P4HA1: variants seen among roughly 807,000 people sequenced by gnomAD.
The protein encoded by P4HA1 is prolyl 4-hydroxylase subunit alpha-1.
P4HA1 carries 24 observed loss-of-function variants against 72.8 expected under a neutral mutation model. That is an observed-to-expected ratio of 0.33 (90% CI 0.24 to 0.46). The LOEUF (loss-of-function observed/expected upper bound fraction) is 0.46, where lower values mean the gene tolerates loss of function less well. Among genes scored for constraint, P4HA1 ranks in the 20% least tolerant of loss-of-function variants. The pLI is 1.00. For synonymous variants in P4HA1, 201 were observed against 218.8 expected, an observed-to-expected ratio of 0.92 and a Z score of 0.72; for missense variants, 446 against 640.6, an observed-to-expected ratio of 0.70 and a Z score of 3.28.
intron 11 of P4HA1, among the ~76,000 whole-genome samples, chr10:73,015,668 T>C (rs547519819): frequency 1.4e-4 from 22 of 152,348 alleles, no homozygotes; most frequent in Non-Finnish European, 2.2e-4. Context: ...GCCTACACTG[T>C]GGCAGATCCT....
At chr10:73,047,709 A>T (rs906455619) in intron 7 of P4HA1, among the ~76,000 whole-genome samples, 3 of 152,140 alleles carry the variant, frequency 2.0e-5, no homozygotes, top group African/African-American at 7.2e-5. Context: ...TCAATCATCT[A>T]TGTATTATAT....
chr10:73,035,809 C>A lies in P4HA1; in HGVS notation c.1149-5439G>T, dbSNP rs576523892. On this transcript the variant is annotated intron_variant, in intron 9 of 14. Coordinates refer to ENST00000394890, the MANE Select transcript of P4HA1 (RefSeq NM_001017962.3). Reference sequence around the variant, plus strand: ...CATAAAACCCTTGCCAGTTTCAATCCTTTTATTCTTTGTCAATCTTAGCAA... The same window carrying A: ...CATAAAACCCTTGCCAGTTTCAATCATTTTATTCTTTGTCAATCTTAGCAA... 1.2e-3 allele frequency among the ~76,000 whole-genome samples: 180 copies of A among 152,212 alleles called. 5 individuals carry two copies. In the South Asian group the frequency reaches 0.036, roughly 30 times the overall value.
At chr10:73,092,459 C>T (rs1472633017) in intron 1 of P4HA1, among the ~76,000 whole-genome samples, 1 of 150,056 alleles carries the variant, frequency 6.7e-6, no homozygotes, top group Non-Finnish European at 1.5e-5. Flanking sequence ...AAGCGACCCT[C>T]CCACCTCAGC....
At chr10:73,024,817 A>C (rs925045589) in intron 10 of P4HA1, among the ~76,000 whole-genome samples, 1 of 152,224 alleles carries the variant, frequency 6.6e-6, no homozygotes, top group South Asian at 2.1e-4. Flanking sequence ...ATATCACCAC[A>C]GATCCCACAG....
intron 14 of P4HA1, among the ~76,000 whole-genome samples, chr10:73,009,358 C>T (rs1295194919): frequency 6.6e-6 from 1 of 152,164 alleles, no homozygotes; most frequent in Admixed American, 6.5e-5. Context: ...GCTACTCGAG[C>T]CTCACATTAG....
At position 73,050,699 on chromosome 10, in the gene P4HA1, C is replaced by CAAA. The variant is rs11389497; in HGVS notation, c.900+351_900+353dup. ...TGGGTGGCAGGGTGAGACTCCATCT[C>CAAA]AAAAAAAAAAAAAAAAGTTTTTTAG... On this transcript the variant is annotated intron_variant, in intron 7 of 14. Transcript: ENST00000394890. Among the ~76,000 whole-genome samples, 240 of 106,324 alleles carry CAAA rather than the reference C, an allele frequency of 2.3e-3. 2 individuals carry two copies. Among genetic ancestry groups the CAAA allele is most frequent in the Non-Finnish European group, 1.9e-3 (90 of 48,516 alleles). The allele number at this position is 106,324 out of a possible 152,430, so 69.8% of individuals were successfully genotyped here.
At chr10:73,066,571 G>T (rs1841428263) in intron 5 of P4HA1, among the ~76,000 whole-genome samples, 1 of 152,100 alleles carries the variant, frequency 6.6e-6, no homozygotes, top group South Asian at 2.1e-4. Context: ...AGGTTGGAGT[G>T]TAGTGGCGTG....
At chr10:73,054,100 G>A (rs1234891038) in intron 5 of P4HA1, among the ~76,000 whole-genome samples, 1 of 152,022 alleles carries the variant, frequency 6.6e-6, no homozygotes, top group Non-Finnish European at 1.5e-5. Context: ...ATTTTTAGTA[G>A]AGATGGAGTT....
At position 73,011,048 on chromosome 10, in the gene P4HA1, CAA is replaced by C. The variant is rs2133029016; in HGVS notation, c.1369-13_1369-12del. The C allele has an allele frequency of 3.7e-6, 6 of 1,606,936 alleles. No homozygotes were observed. The East Asian group carries it at 1.3e-4, about 36-fold the overall frequency. On this transcript the variant is annotated splice_polypyrimidine_tract_variant and intron_variant, in intron 12 of 14. Transcript: ENST00000394890. Reference sequence around the variant, plus strand: ...AGACACATCACTCATCTATAAGAAACAAGAGGGTGTTATCAAAAGTGCTGGTA... The same window carrying C: ...AGACACATCACTCATCTATAAGAAACGAGGGTGTTATCAAAAGTGCTGGTA...
chr10:73,032,760 C>T (rs934734818), intron 9 of P4HA1, among the ~76,000 whole-genome samples: 1 of 152,124 alleles, frequency 6.6e-6, no homozygotes, highest in African/African-American at 2.4e-5. Flanking sequence ...CACAGACAGA[C>T]AAAGGAAGCG....
intron 8 of P4HA1, 112 bp downstream of exon 8, chr10:73,046,813 T>A (rs777602184): frequency 3.9e-5 from 32 of 814,272 alleles, no homozygotes; most frequent in Non-Finnish European, 5.8e-5. Flanking sequence ...AGGCAAAATA[T>A]CTTTAAAAAA....
chr10:73,031,142 T>C (rs1840423609), intron 9 of P4HA1, among the ~76,000 whole-genome samples: 1 of 152,096 alleles, frequency 6.6e-6, no homozygotes, highest in South Asian at 2.1e-4. Context: ...AATGGATACA[T>C]AAAACGTGAT....
In P4HA1 at chr10:73,030,235, G is replaced by A. The variant is rs745531430; in HGVS notation, c.1248+36C>T. 6 of 1,061,748 alleles carry A rather than the reference G, an allele frequency of 5.7e-6. No individual in the cohort carries two copies. The Admixed American group carries it at 8.1e-5, about 14-fold the overall frequency. The allele number at this position is 1,061,748 out of a possible 1,614,324, so 65.8% of individuals were successfully genotyped here. On this transcript the variant is annotated intron_variant, in intron 10 of 14. Transcript: ENST00000394890. ...AATCTCCTCTCAAGCATCTCCTGAAGTGTAAAAATGACTTAAGGATAATGT... is the reference window on the plus strand; with the variant it reads ...AATCTCCTCTCAAGCATCTCCTGAAATGTAAAAATGACTTAAGGATAATGT...
chr10:73,040,770 C>T (rs1295456130), intron 9 of P4HA1, among the ~76,000 whole-genome samples: 1 of 152,058 alleles, frequency 6.6e-6, no homozygotes, highest in African/African-American at 2.4e-5. Context: ...CCACTCCTGG[C>T]CGTAATTTTG....
chr10:73,039,028 C>G (rs1218989288), intron 9 of P4HA1, among the ~76,000 whole-genome samples: 3 of 152,096 alleles, frequency 2.0e-5, no homozygotes, highest in Non-Finnish European at 4.4e-5. Context: ...TGCAATGGCT[C>G]GCGCCTGTAA....
chr10:73,010,394 T>C (rs1337558181), intron 13 of P4HA1, among the ~76,000 whole-genome samples: 1 of 152,060 alleles, frequency 6.6e-6, no homozygotes, highest in Non-Finnish European at 1.5e-5. Flanking sequence ...ATATGAAAAA[T>C]ACCATAAAAA....
intron 3 of P4HA1, among the ~76,000 whole-genome samples, 185 bp downstream of exon 3, chr10:73,073,546 A>T (rs940824048): frequency 6.6e-6 from 1 of 151,986 alleles, no homozygotes. Context: ...TCTTATCCCA[A>T]CCCATATTCT....
At chr10:73,086,803 C>T (rs1841931859) in intron 1 of P4HA1, among the ~76,000 whole-genome samples, 1 of 151,734 alleles carries the variant, frequency 6.6e-6, no homozygotes, top group African/African-American at 2.4e-5. Flanking sequence ...CGTGGTGGCA[C>T]ATGCCTGTAA....
chr10:73,095,948 C>T (rs1196171799), intron 1 of P4HA1, among the ~76,000 whole-genome samples: 1 of 152,212 alleles, frequency 6.6e-6, no homozygotes, highest in African/African-American at 2.4e-5. Flanking sequence ...ACTCAAAATC[C>T]TCACACAACC....
Sources: allele counts gnomAD v4.1 joint callset (sites outside exome capture counted in the v4.1 genomes callset), GRCh38; gene constraint gnomAD v4.1.1; transcripts MANE v1.5; gene names NCBI Gene and HGNC (gene_info 2026-07-23, HGNC 2026-07-21).